The following RAB3GAP1 variants were observed in gnomAD, a reference collection of about 807,000 sequenced individuals.
The protein encoded by RAB3GAP1 is rab3 GTPase-activating protein catalytic subunit.
In RAB3GAP1, 86 loss-of-function variants were observed where a neutral mutation model predicts 130.7. The ratio of observed to expected loss-of-function variants is 0.66; its 90% CI spans 0.55 to 0.79. The LOEUF (loss-of-function observed/expected upper bound fraction) is 0.79. Ranked by LOEUF, RAB3GAP1 falls within the 30% of genes least tolerant of loss-of-function variation. The pLI is 0.00. For missense variants in RAB3GAP1, 1,029 were observed against 1,169.4 expected (o/e 0.88, Z 1.75); for synonymous variants, 367 against 401.7 (o/e 0.91, Z 1.03).
At chr2:135,109,732 C>T (rs1202432106) in intron 5 of RAB3GAP1, among the ~76,000 whole-genome samples, 2 of 152,092 alleles carry the variant, frequency 1.3e-5, no homozygotes, top group Non-Finnish European at 2.9e-5. Flanking sequence ...CAGGCGCCCA[C>T]CACCACGCCC....
chr2:135,144,468 A>G (rs1445022381), intron 17 of RAB3GAP1, among the ~76,000 whole-genome samples: 1 of 152,202 alleles, frequency 6.6e-6, no homozygotes, highest in Non-Finnish European at 1.5e-5. Context: ...TATAAAACCA[A>G]GTAGGGAAGG....
At chr2:135,083,765 C>CG (rs1217952923) in intron 3 of RAB3GAP1, among the ~76,000 whole-genome samples, 1 of 103,806 alleles carries the variant, frequency 9.6e-6, no homozygotes, top group South Asian at 3.1e-4. Flanking sequence ...GTACCCAACA[C>CG]GGTTTTTTTT....
In RAB3GAP1 at chr2:135,163,069, T is replaced by C; in HGVS notation, c.2574T>C (p.Cys858=). The change falls in exon 22 of 24, where the codon TGT becomes TGC. Residue 858 remains cysteine (C), a synonymous_variant. Transcript: ENST00000264158. ...AAGCCAAGTTTGGAACTGAGAAATG[T>C]GAACAGGAGGAGGAAAAGGAAGATC... The part of the protein sequence containing the change: ...SLKAKFGTEK[C]EQEEEKEDLE... 1 of 1,613,732 alleles carries C rather than the reference T, an allele frequency of 6.2e-7. No homozygotes were observed. Among genetic ancestry groups the C allele is most frequent in the Non-Finnish European group, 8.5e-7 (1 of 1,179,630 alleles).
chr2:135,074,421 G>C (rs1327406050), intron 3 of RAB3GAP1, among the ~76,000 whole-genome samples: 1 of 152,234 alleles, frequency 6.6e-6, no homozygotes, highest in Non-Finnish European at 1.5e-5. Flanking sequence ...GCCCTGGCCA[G>C]TTGTCATTCA....
At chr2:135,110,316 G>A (rs1690761655) in intron 5 of RAB3GAP1, among the ~76,000 whole-genome samples, 1 of 151,962 alleles carries the variant, frequency 6.6e-6, no homozygotes, top group Non-Finnish European at 1.5e-5. Flanking sequence ...ACAATTTTTT[G>A]TAGAGAGTGG....
intron 3 of RAB3GAP1, among the ~76,000 whole-genome samples, chr2:135,074,166 G>T (rs1025394931): frequency 1.9e-4 from 29 of 152,230 alleles, no homozygotes; most frequent in Non-Finnish European, 5.9e-5. Flanking sequence ...GGATTACCTG[G>T]TTTAAGATGT....
intron 5 of RAB3GAP1, among the ~76,000 whole-genome samples, chr2:135,103,034 G>GTTTTTTTTTTTTTTTTTTT (rs1355666279): frequency 3.0e-5 from 3 of 100,474 alleles, no homozygotes; most frequent in African/African-American, 1.4e-4. Flanking sequence ...TCATTTTTGT[G>GTTTTTTTTTTTTTTTTTTT]ATTTTTTTTT....
At chr2:135,139,887 C>G (rs952647741) in intron 17 of RAB3GAP1, among the ~76,000 whole-genome samples, 1 of 152,160 alleles carries the variant, frequency 6.6e-6, no homozygotes, top group Non-Finnish European at 1.5e-5. Context: ...GCAACTCTTT[C>G]TCTTAACTTT....
intron 17 of RAB3GAP1, among the ~76,000 whole-genome samples, chr2:135,139,629 A>G (rs1052373314): frequency 2.0e-5 from 3 of 152,086 alleles, no homozygotes; most frequent in Non-Finnish European, 4.4e-5. Flanking sequence ...GCATATAACT[A>G]CTTCCCAGAT....
rs779577799 is a variant in RAB3GAP1, at chr2:135,168,719, G to A, written c.2884G>A (p.Val962Ile). 16 of 1,614,074 alleles carry A rather than the reference G, an allele frequency of 9.9e-6. No homozygotes were observed. ...AGCTCTGCCTCAGCGGATGTACAGTGTTCTCACCAAAGAGGACTTTAGACT... is the reference window on the plus strand; with the variant it reads ...AGCTCTGCCTCAGCGGATGTACAGTATTCTCACCAAAGAGGACTTTAGACT... The part of the protein sequence containing the change: ...SKALPQRMYS[V>I]LTKEDFRLAG... The change falls in exon 24 of 24, where the codon GTT becomes ATT. Residue 962 changes from valine to isoleucine, a missense_variant. Val to Ile is a conservative substitution (Grantham distance 29). Transcript: ENST00000264158.
At position 135,126,607 on chromosome 2, in the gene RAB3GAP1, A is replaced by T. The variant is rs745491428; in HGVS notation, c.924A>T (p.Pro308=). 8.7e-6 allele frequency: 14 copies of T among 1,613,172 alleles called. No homozygotes were observed. The South Asian group carries it at 1.2e-4, about 14-fold the overall frequency. The change falls in exon 11 of 24, where the codon CCA becomes CCT. Residue 308 remains proline (P), a synonymous_variant. Transcript: ENST00000264158. The stretch of plus-strand genomic sequence containing the variant: ...GTGATTTGGATCCTATTCAAGCTCC[A>T]CATTGGTCTGTTAGAGTTCGAAAAG... ...VYSDLDPIQA[P]HWSVRVRKAE...
At chr2:135,117,450 T>TCTTCTTCTTCTTCTTCTTCTG (rs1553445221) in intron 7 of RAB3GAP1, among the ~76,000 whole-genome samples, 31 of 88,212 alleles carry the variant, frequency 3.5e-4, no homozygotes, top group Admixed American at 1.9e-3. Context: ...TTCTTCTTCT[T>TCTTCTTCTTCTTCTTCTTCTG]CTTCTGCTTC....
intron 17 of RAB3GAP1, among the ~76,000 whole-genome samples, chr2:135,139,043 A>G (rs972633212): frequency 1.3e-5 from 2 of 152,086 alleles, no homozygotes; most frequent in Admixed American, 6.5e-5. Context: ...ATCTTTTAAT[A>G]TGTTCGTTAG....
At chr2:135,165,999 C>G (rs1371014462) in intron 23 of RAB3GAP1, among the ~76,000 whole-genome samples, 2 of 151,998 alleles carry the variant, frequency 1.3e-5, no homozygotes, top group East Asian at 1.9e-4. Flanking sequence ...TGGTGAAACC[C>G]TTTCTCTACT....
At chr2:135,064,727 T>G (rs1574077608) in intron 3 of RAB3GAP1, among the ~76,000 whole-genome samples, 1 of 151,146 alleles carries the variant, frequency 6.6e-6, no homozygotes, top group East Asian at 1.9e-4. Context: ...TTTTCCTGTT[T>G]CGTTTTGTTT....
In RAB3GAP1 at chr2:135,169,763, C is replaced by G. The variant is rs1427543509; in HGVS notation, c.*982C>G. On this transcript the variant is annotated 3_prime_UTR_variant, in exon 24 of 24. Coordinates refer to ENST00000264158, the MANE Select transcript of RAB3GAP1 (RefSeq NM_012233.3). ...AATAATCGATGGGGATGTGTAGCCC[C>G]CCCGTGTGAGGATGACATCACCACA... The G allele has an allele frequency of 8.8e-6, 4 of 455,604 alleles. No homozygotes were observed. The Admixed American group carries it at 9.4e-5, about 11-fold the overall frequency. The allele number at this position is 455,604 out of a possible 1,614,324, so 28.2% of individuals were successfully genotyped here.
chr2:135,071,196 C>T (rs1021345511), intron 3 of RAB3GAP1, among the ~76,000 whole-genome samples: 1 of 152,144 alleles, frequency 6.6e-6, no homozygotes, highest in Non-Finnish European at 1.5e-5. Flanking sequence ...AGTATCCTGG[C>T]CTTGAGGCCC....
chr2:135,153,724 A>G lies in RAB3GAP1; in HGVS notation c.2137A>G (p.Ile713Val). 6.2e-7 allele frequency: 1 copy of G among 1,614,058 alleles called. No homozygotes were observed. Among genetic ancestry groups the G allele is most frequent in the Non-Finnish European group, 8.5e-7 (1 of 1,179,948 alleles). ...SPRDYIEEEVIDEKGNVVLKG... is the reference protein window; with the variant it reads ...SPRDYIEEEVVDEKGNVVLKG... ...CCGGGATTATATTGAAGAGGAGGTGATTGATGAAAAGGGCAATGTGGTGCT... is the reference window on the plus strand; with the variant it reads ...CCGGGATTATATTGAAGAGGAGGTGGTTGATGAAAAGGGCAATGTGGTGCT... Residue 713 changes from isoleucine (I) to valine (V), a missense_variant, in exon 19 of 24, where the codon ATT becomes GTT. Around this residue, in one of 3 missense-constraint regions of RAB3GAP1, gnomAD observed 373 missense variants for 493.6 expected, o/e 0.76. Transcript: ENST00000264158.
At position 135,115,357 on chromosome 2, in the gene RAB3GAP1, G is replaced by A; in HGVS notation, c.624G>A (p.Leu208=). ...ATCAGTACACTCACTTATCAGGTCT[G>A]CTGGATATCTTCAAATCAAAGATTG... The part of the protein sequence containing the change: ...VPNQYTHLSG[L]LDIFKSKIGC... Residue 208 remains leucine, a synonymous_variant, in exon 7 of 24, where the codon CTG becomes CTA. Coordinates refer to ENST00000264158, the MANE Select transcript of RAB3GAP1 (RefSeq NM_012233.3). The A allele has an allele frequency of 6.2e-7, 1 of 1,612,064 alleles. No homozygotes were observed. Among genetic ancestry groups the A allele is most frequent in the Non-Finnish European group, 8.5e-7 (1 of 1,178,290 alleles).
Sources: allele counts gnomAD v4.1 joint callset (sites outside exome capture counted in the v4.1 genomes callset), GRCh38; gene constraint gnomAD v4.1.1; regional missense constraint gnomAD v4.1.1; transcripts MANE v1.5; gene names NCBI Gene and HGNC (gene_info 2026-07-23, HGNC 2026-07-21).